Variants in SBF2 observed in about 807,000 individuals in gnomAD.
SBF2 encodes SET binding factor 2, also known as myotubularin-related protein 13.
Under a neutral mutation model 225.2 loss-of-function variants are expected in SBF2, and 112 were observed. The ratio of observed to expected loss-of-function variants is 0.50; its 90% CI spans 0.43 to 0.58. The LOEUF is 0.58. SBF2 is among the 20% of genes least tolerant of loss of function. The probability of loss-of-function intolerance (pLI) is 0.00; values close to 1 mark genes in which losing one functional copy is unlikely to be tolerated. For missense variants in SBF2, 1,996 were observed against 2,206.2 expected, an observed-to-expected ratio of 0.90 and a Z score of 1.91; for synonymous variants, 763 against 773.3, an observed-to-expected ratio of 0.99 and a Z score of 0.22.
chr11:9,910,845 G>A lies in SBF2; in HGVS notation c.1861-14834C>T, dbSNP rs188644238. On this transcript the variant is annotated intron_variant, in intron 16 of 39. Coordinates refer to ENST00000256190, the MANE Select transcript of SBF2 (RefSeq NM_030962.4). ...AGGTGGATCATGAGGTCAGGAGATT[G>A]AGACCATTTGGCCAACATGGTGAAA... 1.8e-3 allele frequency among the ~76,000 whole-genome samples: 247 copies of A among 135,730 alleles called. 1 individual carries two copies. The highest frequency in any genetic ancestry group is 2.7e-3 in the Non-Finnish European group (176 of 64,368). The allele number at this position is 135,730 out of a possible 152,430, so 89.0% of individuals were successfully genotyped here.
At chr11:10,241,319 A>C (rs1394689880) in intron 1 of SBF2, among the ~76,000 whole-genome samples, 1 of 152,002 alleles carries the variant, frequency 6.6e-6, no homozygotes, top group Non-Finnish European at 1.5e-5. Flanking sequence ...ATACCACTGC[A>C]CTCTGGCCTG....
Position 10,294,028 on chromosome 11 carries a change from G to A in SBF2, c.42C>T (p.Asp14=). ...CCACACCCTTACCTGGCTTCTCGTGGTCATAGCCTACCACGATGAAGTAGT... is the reference window on the plus strand; with the variant it reads ...CCACACCCTTACCTGGCTTCTCGTGATCATAGCCTACCACGATGAAGTAGT... ...LADYFIVVGY[D]HEKPGSGEGL... is the part of the protein sequence containing the mutation. The change falls in exon 1 of 40, where the codon GAC becomes GAT. Residue 14 remains aspartate (D), a synonymous_variant. Coordinates refer to ENST00000256190, the MANE Select transcript of SBF2 (RefSeq NM_030962.4). 1 of 1,405,066 alleles carries A rather than the reference G, an allele frequency of 7.1e-7. No individual in the cohort carries two copies. The highest frequency in any genetic ancestry group is 1.5e-5 in the African/African-American group (1 of 67,060). 87.0% of individuals were successfully genotyped at this position (1,405,066 alleles called of 1,614,324 possible). A position where few individuals can be genotyped will look rare whatever the true frequency, so the allele number is the denominator to read the frequency against.
At chr11:10,062,549 A>T (rs1950488260) in intron 2 of SBF2, among the ~76,000 whole-genome samples, 1 of 152,194 alleles carries the variant, frequency 6.6e-6, no homozygotes, top group African/African-American at 2.4e-5. Flanking sequence ...AGACCATTTT[A>T]AAAAAAGACA....
rs745432558 is a variant in SBF2 at position 9,789,298 on chromosome 11, A to G, written c.4743T>C (p.Asp1581=). Reference sequence around the variant, plus strand: ...TGGACAGGGTCTCTTCTATGTAGTAATCCCACTTCTTGAGGCTAGAGACGT... The same window carrying G: ...TGGACAGGGTCTCTTCTATGTAGTAGTCCCACTTCTTGAGGCTAGAGACGT... ...NVNVSSLKKW[D]YYIEETLSTG... The change falls in exon 35 of 40, where the codon GAT becomes GAC. Residue 1581 remains aspartate, a synonymous_variant. Transcript: ENST00000256190. The G allele has an allele frequency of 6.2e-7, 1 of 1,614,150 alleles. No homozygotes were observed. The highest frequency in any genetic ancestry group is 1.7e-5 in the Admixed American group (1 of 60,008).
chr11:9,879,318 T>C (rs1178213490), intron 17 of SBF2, among the ~76,000 whole-genome samples: 3 of 152,240 alleles, frequency 2.0e-5, no homozygotes, highest in Admixed American at 1.3e-4. Flanking sequence ...TCACGAGTCA[T>C]GAGTTTTGCA....
At position 9,796,155 on chromosome 11, in the gene SBF2, G is replaced by A. The variant is rs566143931; in HGVS notation, c.4444-198C>T. On this transcript the variant is annotated intron_variant, in intron 32 of 39. Transcript: ENST00000256190. ...CTACTGTGTGCCAGACACCAGACGAGGGTTTTTTTTTTTTAAATAAACATA... is the reference window on the plus strand; with the variant it reads ...CTACTGTGTGCCAGACACCAGACGAAGGTTTTTTTTTTTTAAATAAACATA... Among the ~76,000 whole-genome samples the A allele has an allele frequency of 2.7e-5, 4 of 149,558 alleles. No homozygotes were observed. In the East Asian group the frequency reaches 7.7e-4, roughly 29 times the overall value.
At chr11:9,972,503 CAG>C (rs1405183375) in intron 13 of SBF2, among the ~76,000 whole-genome samples, 1 of 152,120 alleles carries the variant, frequency 6.6e-6, no homozygotes, top group Non-Finnish European at 1.5e-5. Context: ...GTTTTTGAGA[CAG>C]AGTTTCACTT....
At chr11:9,940,512 C>T (rs1865192387) in intron 16 of SBF2, among the ~76,000 whole-genome samples, 1 of 152,052 alleles carries the variant, frequency 6.6e-6, no homozygotes, top group Admixed American at 6.6e-5. Flanking sequence ...CCAACAGGAG[C>T]ACGTATACCA....
At chr11:9,915,372 G>A (rs1054920908) in intron 16 of SBF2, among the ~76,000 whole-genome samples, 5 of 150,838 alleles carry the variant, frequency 3.3e-5, no homozygotes, top group South Asian at 2.1e-4. Context: ...GCTTGAACCC[G>A]GGAAGTGGAG....
chr11:9,903,246 C>G (rs1032016122), intron 16 of SBF2, among the ~76,000 whole-genome samples: 1 of 151,810 alleles, frequency 6.6e-6, no homozygotes, highest in East Asian at 1.9e-4. Context: ...GGCGTGAACC[C>G]GGGAGGCAGA....
intron 8 of SBF2, among the ~76,000 whole-genome samples, chr11:9,999,287 ATGTATGTATG>A (rs1565113965): frequency 5.2e-5 from 4 of 77,598 alleles, no homozygotes; most frequent in Non-Finnish European, 8.2e-5. Flanking sequence ...GACTGTATGT[ATGTATGTATG>A]TATGTATGTA....
chr11:9,870,568 G>C (rs932390108), intron 17 of SBF2, among the ~76,000 whole-genome samples: 9 of 152,310 alleles, frequency 5.9e-5, no homozygotes, highest in African/African-American at 1.9e-4. Flanking sequence ...ACAACCATCT[G>C]ATCGTTGACA....
At chr11:9,969,125 T>G (rs1322295944) in intron 13 of SBF2, among the ~76,000 whole-genome samples, 1 of 152,206 alleles carries the variant, frequency 6.6e-6, no homozygotes, top group Non-Finnish European at 1.5e-5. Context: ...AAATGGCACA[T>G]TTATTTTTTC....
intron 14 of SBF2, among the ~76,000 whole-genome samples, chr11:9,965,534 G>A (rs868314174): frequency 2.6e-5 from 4 of 151,900 alleles, no homozygotes; most frequent in Non-Finnish European, 4.4e-5. Flanking sequence ...GTGATACGCC[G>A]ACCTCGGCCT....
At chr11:10,063,937 G>A (rs1379625186) in intron 2 of SBF2, among the ~76,000 whole-genome samples, 1 of 151,240 alleles carries the variant, frequency 6.6e-6, no homozygotes, top group Non-Finnish European at 1.5e-5. Flanking sequence ...TAAAATATAA[G>A]TAACAGGAAT....
At chr11:9,922,810 A>C (rs1166330067) in intron 16 of SBF2, among the ~76,000 whole-genome samples, 2 of 152,086 alleles carry the variant, frequency 1.3e-5, no homozygotes, top group Non-Finnish European at 1.5e-5. Flanking sequence ...ATGCAATTAT[A>C]ACCTTTTACC....
intron 17 of SBF2, among the ~76,000 whole-genome samples, chr11:9,877,598 C>G (rs1859370790): frequency 6.6e-6 from 1 of 152,140 alleles, no homozygotes; most frequent in Non-Finnish European, 1.5e-5. Flanking sequence ...GCCCTGTGTC[C>G]AAGTGTTTTC....
chr11:10,230,449 C>T (rs542933183), intron 1 of SBF2, among the ~76,000 whole-genome samples: 3,472 of 152,104 alleles, frequency 0.023, 99 homozygotes, highest in African/African-American at 0.069. Flanking sequence ...TGGCTGGTAC[C>T]GGTTGTTCCT....
chr11:10,290,788 A>G (rs1964112370), intron 1 of SBF2, among the ~76,000 whole-genome samples: 1 of 152,200 alleles, frequency 6.6e-6, no homozygotes, highest in South Asian at 2.1e-4. Context: ...ATAAATAAAT[A>G]TAGATATAAA....
Sources: gnomAD v4.1 joint callset for allele counts (sites outside exome capture counted in the v4.1 genomes callset) on GRCh38, gnomAD v4.1.1 for gene constraint, MANE v1.5 for transcripts, NCBI Gene and HGNC (gene_info 2026-07-23, HGNC 2026-07-21) for gene names.